ELMO1: variants seen among roughly 807,000 people sequenced by gnomAD.
The protein encoded by ELMO1 is engulfment and cell motility 1, also known as engulfment and cell motility protein 1.
In ELMO1, 26 loss-of-function variants were observed where a neutral mutation model predicts 98.9. That is an observed-to-expected ratio of 0.26 (90% confidence interval 0.19 to 0.36). The LOEUF (loss-of-function observed/expected upper bound fraction) is 0.36, where lower values mean the gene tolerates loss of function less well. Ranked by LOEUF, ELMO1 falls within the 10% of genes least tolerant of loss-of-function variation. The pLI, the probability that ELMO1 is intolerant of heterozygous loss-of-function variation, is 1.00. For synonymous variants in ELMO1, 346 were observed against 346.0 expected, an observed-to-expected ratio of 1.00 and a Z score of 0.00; for missense variants, 627 against 935.2, an observed-to-expected ratio of 0.67 and a Z score of 4.30.
At chr7:37,180,751 T>G (rs928543149) in intron 13 of ELMO1, among the ~76,000 whole-genome samples, 7 of 152,102 alleles carry the variant, frequency 4.6e-5, no homozygotes, top group African/African-American at 1.7e-4. Flanking sequence ...CTAAAGTGTT[T>G]TTTTGGGGAA....
rs117803492 is a variant in ELMO1 at position 36,993,887 on chromosome 7, G to A, written c.1437+19412C>T. The stretch of plus-strand genomic sequence containing the variant: ...ACACAATGAAAAGCATGAGAACGAC[G>A]AAGCAAATCTTTGAAACAATCACAT... On this transcript the variant is annotated intron_variant, in intron 16 of 21. Transcript: ENST00000310758. Among the ~76,000 whole-genome samples, 424 of 152,308 alleles carry A rather than the reference G, an allele frequency of 2.8e-3. 2 individuals are homozygous for A. The highest frequency in any genetic ancestry group is 5.2e-3 in the Non-Finnish European group (355 of 68,026).
chr7:36,863,747 C>G (rs1802813645), intron 20 of ELMO1, among the ~76,000 whole-genome samples: 1 of 152,038 alleles, frequency 6.6e-6, no homozygotes, highest in South Asian at 2.1e-4. Context: ...TGGACAGAGA[C>G]TGGAAAGAAA....
intron 16 of ELMO1, among the ~76,000 whole-genome samples, chr7:36,970,623 C>T (rs1009547614): frequency 2.6e-5 from 4 of 152,186 alleles, no homozygotes; most frequent in Non-Finnish European, 5.9e-5. Flanking sequence ...ATGTAGTATA[C>T]ACTTGATAAA....
intron 1 of ELMO1, among the ~76,000 whole-genome samples, chr7:37,402,834 G>A (rs1369044131): frequency 2.0e-5 from 3 of 152,056 alleles, no homozygotes; most frequent in Non-Finnish European, 4.4e-5. Flanking sequence ...ACAGTCACAT[G>A]GAAAATAAAA....
intron 1 of ELMO1, among the ~76,000 whole-genome samples, chr7:37,407,079 A>G (rs567946713): frequency 1.3e-5 from 2 of 152,352 alleles, no homozygotes; most frequent in Admixed American, 1.3e-4. Context: ...GCATGTTTAC[A>G]GTAGCCTAAC....
At chr7:37,435,145 T>G (rs1805093793) in intron 1 of ELMO1, 1 of 152,430 alleles carries the variant, frequency 6.6e-6, no homozygotes, top group Non-Finnish European at 1.5e-5. Flanking sequence ...TGTTTACAAC[T>G]AATTGATCTT....
chr7:37,324,867 G>A (rs372963734), intron 2 of ELMO1, among the ~76,000 whole-genome samples: 24 of 152,138 alleles, frequency 1.6e-4, no homozygotes, highest in Admixed American at 1.0e-3. Context: ...CGTAAGCACC[G>A]CACCTGGCCA....
At chr7:37,329,300 T>C (rs1261241181) in intron 2 of ELMO1, among the ~76,000 whole-genome samples, 1 of 152,200 alleles carries the variant, frequency 6.6e-6, no homozygotes. Flanking sequence ...AACTGCATAT[T>C]TATGGGGTAT....
At chr7:36,924,717 G>C (rs143408286) in intron 16 of ELMO1, among the ~76,000 whole-genome samples, 75 of 152,238 alleles carry the variant, frequency 4.9e-4, no homozygotes, top group African/African-American at 1.7e-3. Context: ...CATTTCATCT[G>C]ATGGAGGCCA....
chr7:36,964,707 A>C (rs1436269695), intron 16 of ELMO1, among the ~76,000 whole-genome samples: 1 of 152,122 alleles, frequency 6.6e-6, no homozygotes, highest in Non-Finnish European at 1.5e-5. Context: ...AATACCCTAC[A>C]GTTAACCTAC....
At chr7:36,908,770 A>G (rs1485981761) in intron 16 of ELMO1, among the ~76,000 whole-genome samples, 3 of 152,238 alleles carry the variant, frequency 2.0e-5, no homozygotes, top group Non-Finnish European at 2.9e-5. Context: ...AAACAAATTC[A>G]ATACCCACCC....
intron 18 of ELMO1, 136 bp downstream of exon 18, chr7:36,887,424 G>A (rs775825733): frequency 1.5e-6 from 1 of 679,480 alleles, no homozygotes; most frequent in South Asian, 2.1e-5. Context: ...AACCAGAAAC[G>A]ACCTGGACTG....
chr7:37,199,321 A>C (rs757937553), intron 13 of ELMO1, among the ~76,000 whole-genome samples: 35 of 152,214 alleles, frequency 2.3e-4, no homozygotes, highest in Non-Finnish European at 4.4e-4. Context: ...TCCTCTAAAA[A>C]TATGAAAACG....
chr7:37,323,821 G>A (rs1483444363), intron 2 of ELMO1, among the ~76,000 whole-genome samples: 1 of 152,038 alleles, frequency 6.6e-6, no homozygotes, highest in Non-Finnish European at 1.5e-5. Context: ...CGTCTTCTAG[G>A]TTTAGTCCTG....
intron 13 of ELMO1, among the ~76,000 whole-genome samples, chr7:37,145,937 C>G (rs1449306518): frequency 6.6e-6 from 1 of 152,138 alleles, no homozygotes; most frequent in East Asian, 1.9e-4. Context: ...TGATACATGC[C>G]TCCCTCTCCT....
chr7:37,192,417 C>A (rs1017040726), intron 13 of ELMO1, among the ~76,000 whole-genome samples: 6 of 150,612 alleles, frequency 4.0e-5, no homozygotes, highest in Admixed American at 4.0e-4. Flanking sequence ...ATCGCTTGAA[C>A]CCGGGAGGAG....
chr7:37,157,179 G>C (rs1471489793), intron 13 of ELMO1, among the ~76,000 whole-genome samples: 1 of 152,108 alleles, frequency 6.6e-6, no homozygotes, highest in African/African-American at 2.4e-5. Context: ...AATAATAAGA[G>C]CCATTTATGA....
intron 15 of ELMO1, among the ~76,000 whole-genome samples, chr7:37,072,123 CA>C (rs970272384): frequency 1.3e-5 from 2 of 152,068 alleles, no homozygotes; most frequent in African/African-American, 2.4e-5. Context: ...TTCGGCAATT[CA>C]AAAAACAAAG....
chr7:36,912,971 T>G (rs1217081379), intron 16 of ELMO1, among the ~76,000 whole-genome samples: 1 of 152,222 alleles, frequency 6.6e-6, no homozygotes, highest in Non-Finnish European at 1.5e-5. Context: ...TTGTGTATCT[T>G]TGTGAAGCTG....
Sources: gnomAD v4.1 joint callset for allele counts (sites outside exome capture counted in the v4.1 genomes callset) on GRCh38, gnomAD v4.1.1 for gene constraint, MANE v1.5 for transcripts, NCBI Gene and HGNC (gene_info 2026-07-23, HGNC 2026-07-21) for gene names.